BTBD7: variants seen among roughly 807,000 people sequenced by gnomAD.
The protein encoded by BTBD7 is BTB domain containing 7.
A neutral mutation model predicts 99.9 loss-of-function variants in BTBD7; 38 were observed. The observed-to-expected ratio is 0.38, with a 90% CI of 0.29 to 0.50. BTBD7 has a LOEUF of 0.50. BTBD7 is among the 20% of genes least tolerant of loss of function. BTBD7 has a pLI of 0.93. For missense variants in BTBD7, 1,170 were observed against 1,394.6 expected (o/e 0.84, Z 2.57); for synonymous variants, 520 against 511.4 (o/e 1.02, Z -0.23).
chr14:93,264,086 G>A, intron 3 of BTBD7, 93 bp from the exon 4 acceptor site: 3 of 1,131,736 alleles, frequency 2.7e-6, no homozygotes, highest in Middle Eastern at 2.3e-4. Flanking sequence ...AGTCACAATA[G>A]CAAAAAAGAA....
At chr14:93,250,937 T>C (rs2052362039) in intron 8 of BTBD7, among the ~76,000 whole-genome samples, 1 of 152,176 alleles carries the variant, frequency 6.6e-6, no homozygotes. Context: ...GATAGTGCAT[T>C]TGACCCTCCC....
intron 5 of BTBD7, among the ~76,000 whole-genome samples, chr14:93,261,133 C>T (rs1293307883): frequency 1.3e-5 from 2 of 152,320 alleles, no homozygotes; most frequent in Admixed American, 1.3e-4. Flanking sequence ...TCAGGTCAGC[C>T]TGTACTCGTA....
In BTBD7 at chr14:93,246,103, C is replaced by CT; in HGVS notation, c.2304dup (p.Ala769SerfsTer6). On this transcript the variant is annotated frameshift_variant, in exon 10 of 11. Transcript: ENST00000334746. LOFTEE classifies it high-confidence loss of function. The stretch of plus-strand genomic sequence containing the variant: ...TTGAGTTGGTTATGGATTGGGGTAG[C>CT]TGGGGGGTGGTAGGGAGGTGGTGGA... 7.3e-7 allele frequency: 1 copy of CT among 1,367,450 alleles called. No homozygotes were observed. Among genetic ancestry groups the CT allele is most frequent in the Non-Finnish European group, 9.6e-7 (1 of 1,037,966 alleles). The allele number at this position is 1,367,450 out of a possible 1,614,324, so 84.7% of individuals were successfully genotyped here.
chr14:93,269,338 AG>A (rs1461035620), intron 3 of BTBD7, among the ~76,000 whole-genome samples: 1 of 152,256 alleles, frequency 6.6e-6, no homozygotes, highest in Non-Finnish European at 1.5e-5. Context: ...GCAGCAAGGC[AG>A]AAGGGATGCT....
intron 5 of BTBD7, among the ~76,000 whole-genome samples, chr14:93,258,216 T>C (rs999186210): frequency 6.6e-6 from 1 of 151,926 alleles, no homozygotes; most frequent in Non-Finnish European, 1.5e-5. Context: ...TGTGTGTGTG[T>C]GTGTATGAGA....
Position 93,242,229 on chromosome 14 carries a change from TG to T in BTBD7, c.*43del. ...TAAGTTGTTGGGTTACATCATAAAA[TG>T]GGATGTTTCACATCTCAGGCACAGA... On this transcript the variant is annotated 3_prime_UTR_variant, in exon 11 of 11. Coordinates refer to ENST00000334746, the MANE Select transcript of BTBD7 (RefSeq NM_001002860.4). 1 of 1,553,438 alleles carries T rather than the reference TG, an allele frequency of 6.4e-7. No homozygotes were observed. Among genetic ancestry groups the T allele is most frequent in the Non-Finnish European group, 8.8e-7 (1 of 1,135,500 alleles).
chr14:93,309,230 A>G (rs767065800), intron 1 of BTBD7, among the ~76,000 whole-genome samples: 1 of 152,124 alleles, frequency 6.6e-6, no homozygotes, highest in Admixed American at 6.5e-5. Flanking sequence ...TAGACAGCAC[A>G]GGCATATTCT....
At chr14:93,266,128 T>C (rs569153986) in intron 3 of BTBD7, among the ~76,000 whole-genome samples, 4 of 152,170 alleles carry the variant, frequency 2.6e-5, no homozygotes, top group East Asian at 1.9e-4. Context: ...GCACAGCAGA[T>C]GATGGTTGGC....
intron 1 of BTBD7, among the ~76,000 whole-genome samples, chr14:93,325,442 A>G (rs1220761184): frequency 6.6e-6 from 1 of 152,026 alleles, no homozygotes. Flanking sequence ...TTTTAAGAAC[A>G]TAATTGTCAT....
intron 4 of BTBD7, among the ~76,000 whole-genome samples, chr14:93,263,494 A>T (rs1456694715): frequency 1.3e-5 from 2 of 152,206 alleles, no homozygotes; most frequent in Non-Finnish European, 2.9e-5. Flanking sequence ...AGAAGTCAAG[A>T]AAATCATGTT....
chr14:93,283,853 A>T (rs1254989275), intron 3 of BTBD7, among the ~76,000 whole-genome samples: 1 of 152,234 alleles, frequency 6.6e-6, no homozygotes, highest in Non-Finnish European at 1.5e-5. Context: ...CACCAGGCCA[A>T]TACAATGTCT....
rs368939104 is a variant in BTBD7, at chr14:93,292,305, T to A, written c.1162+1553A>T. Reference sequence around the variant, plus strand: ...ATATTTTGAGAAAATATAGTTTTTTTTTTGGTAATGTTGCAAACTTCAAAT... The same window carrying A: ...ATATTTTGAGAAAATATAGTTTTTTATTTGGTAATGTTGCAAACTTCAAAT... On this transcript the variant is annotated intron_variant, in intron 3 of 10. Coordinates refer to ENST00000334746, the MANE Select transcript of BTBD7 (RefSeq NM_001002860.4). Among the ~76,000 whole-genome samples, 8 of 152,306 alleles carry A rather than the reference T, an allele frequency of 5.3e-5. No homozygotes were observed. In the East Asian group the frequency reaches 7.7e-4, roughly 15 times the overall value.
At chr14:93,303,305 AAAT>A (rs1268328850) in intron 1 of BTBD7, among the ~76,000 whole-genome samples, 1 of 152,146 alleles carries the variant, frequency 6.6e-6, no homozygotes, top group Non-Finnish European at 1.5e-5. Context: ...TTAAGAGTTA[AAAT>A]AATATGGACT....
At chr14:93,331,878 C>T (rs1267082517) in intron 1 of BTBD7, among the ~76,000 whole-genome samples, 1 of 121,938 alleles carries the variant, frequency 8.2e-6, no homozygotes, top group Non-Finnish European at 1.7e-5. Flanking sequence ...GAGACTCCGT[C>T]TCCCCCCCCC....
intron 3 of BTBD7, among the ~76,000 whole-genome samples, chr14:93,270,606 A>G (rs1214474018): frequency 6.6e-6 from 1 of 151,982 alleles, no homozygotes; most frequent in African/African-American, 2.4e-5. Flanking sequence ...GAGGCAGGAT[A>G]ATCACTTGAA....
chr14:93,263,805 T>G lies in BTBD7; in HGVS notation c.1351A>C (p.Ile451Leu), dbSNP rs752703524. Reference protein sequence around the residue: ...ELSKDHLLTAIQSDYLQASEQ... With the variant: ...ELSKDHLLTALQSDYLQASEQ... ...ATTACCTGTAGGTAGTCAGACTGGA[T>G]AGCAGTAAGCAGATGGTCTTTGCTG... Residue 451 changes from isoleucine to leucine, a missense_variant, in exon 4 of 11, where the codon ATC becomes CTC. Around this residue, in one of 4 missense-constraint regions of BTBD7, gnomAD observed 309 missense variants for 342.0 expected, o/e 0.90. Transcript: ENST00000334746. The G allele has an allele frequency of 1.2e-6, 2 of 1,614,080 alleles. No individual in the cohort carries two copies. Among genetic ancestry groups the G allele is most frequent in the East Asian group, 4.5e-5 (2 of 44,876 alleles).
At chr14:93,308,441 A>T (rs1232205956) in intron 1 of BTBD7, among the ~76,000 whole-genome samples, 1 of 152,214 alleles carries the variant, frequency 6.6e-6, no homozygotes, top group Non-Finnish European at 1.5e-5. Flanking sequence ...AATAATTTTT[A>T]AAAACACACT....
At chr14:93,297,521 C>T in intron 1 of BTBD7, among the ~76,000 whole-genome samples, 1 of 152,096 alleles carries the variant, frequency 6.6e-6, no homozygotes, top group African/African-American at 2.4e-5. Context: ...TGGGGTTTCA[C>T]CATGTTGGCC....
At chr14:93,300,772 G>GTGTGTGTGTGTGTGTGTGTGTATA (rs1438410480) in intron 1 of BTBD7, among the ~76,000 whole-genome samples, 1 of 67,886 alleles carries the variant, frequency 1.5e-5, no homozygotes, top group Non-Finnish European at 2.6e-5. Flanking sequence ...GTGTGTGTGT[G>GTGTGTGTGTGTGTGTGTGTGTATA]TATATATATA....
Sources: gnomAD v4.1 joint callset for allele counts (sites outside exome capture counted in the v4.1 genomes callset) on GRCh38, gnomAD v4.1.1 for gene constraint, gnomAD v4.1.1 regional missense constraint, MANE v1.5 for transcripts, NCBI Gene and HGNC (gene_info 2026-07-23, HGNC 2026-07-21) for gene names.